The following KAT2B variants were observed in gnomAD, a reference collection of about 807,000 sequenced individuals.
KAT2B encodes histone acetyltransferase KAT2B.
KAT2B carries 36 observed loss-of-function variants against 105.9 expected under a neutral mutation model. The ratio of observed to expected loss-of-function variants is 0.34; its 90% confidence interval spans 0.26 to 0.45. KAT2B has a LOEUF of 0.45. KAT2B is among the 20% of genes least tolerant of loss of function. KAT2B has a pLI of 1.00. For missense variants in KAT2B, 820 were observed against 1,021.6 expected (o/e 0.80, Z 2.69); for synonymous variants, 397 against 377.9 (o/e 1.05, Z -0.59).
intron 11 of KAT2B, among the ~76,000 whole-genome samples, chr3:20,131,007 G>C (rs1316624863): frequency 7.5e-6 from 1 of 133,390 alleles, no homozygotes; most frequent in Non-Finnish European, 1.6e-5. Context: ...TTAGTTTCCT[G>C]GCCTTTTTTT....
intron 2 of KAT2B, among the ~76,000 whole-genome samples, chr3:20,094,445 A>C (rs374775691): frequency 6.6e-5 from 10 of 152,152 alleles, no homozygotes; most frequent in African/African-American, 2.4e-4. Context: ...CACAGAGCCA[A>C]ACCATATCAG....
intron 11 of KAT2B, 65 bp from the exon 12 acceptor site, chr3:20,136,877 G>T: frequency 1.3e-6 from 1 of 784,776 alleles, no homozygotes. Flanking sequence ...ATCATTTCCT[G>T]ATGGATTTGT....
At chr3:20,047,003 G>T (rs540391271) in intron 1 of KAT2B, among the ~76,000 whole-genome samples, 2 of 152,140 alleles carry the variant, frequency 1.3e-5, no homozygotes, top group African/African-American at 4.8e-5. Flanking sequence ...ATTAACAGAA[G>T]TTGAGAAAGC....
intron 1 of KAT2B, among the ~76,000 whole-genome samples, chr3:20,069,915 T>C (rs1698289621): frequency 6.6e-6 from 1 of 152,216 alleles, no homozygotes; most frequent in Non-Finnish European, 1.5e-5. Context: ...ACTGTCTTCA[T>C]TGTAAATTCT....
intron 2 of KAT2B, among the ~76,000 whole-genome samples, chr3:20,078,350 A>C (rs76193978): frequency 6.6e-6 from 1 of 151,970 alleles, no homozygotes; most frequent in Non-Finnish European, 1.5e-5. Flanking sequence ...TCTAGTAATA[A>C]TATTTTAGTT....
chr3:20,072,843 A>T (rs566992318), intron 2 of KAT2B, among the ~76,000 whole-genome samples: 13 of 152,184 alleles, frequency 8.5e-5, no homozygotes, highest in African/African-American at 3.1e-4. Context: ...GATAATAATG[A>T]TCATTTTTAT....
chr3:20,042,895 T>C (rs1226937030), intron 1 of KAT2B, among the ~76,000 whole-genome samples: 1 of 149,144 alleles, frequency 6.7e-6, no homozygotes, highest in Non-Finnish European at 1.5e-5. Context: ...AGAAAATTTA[T>C]TTTAACGTCT....
intron 1 of KAT2B, among the ~76,000 whole-genome samples, chr3:20,068,904 A>C (rs561351783): frequency 2.0e-5 from 3 of 152,286 alleles, no homozygotes; most frequent in African/African-American, 7.2e-5. Flanking sequence ...CAGACCAACT[A>C]TTCAGAAAAG....
At chr3:20,080,922 A>G (rs979970738) in intron 2 of KAT2B, among the ~76,000 whole-genome samples, 3 of 152,218 alleles carry the variant, frequency 2.0e-5, no homozygotes, top group Non-Finnish European at 4.4e-5. Context: ...AAACACAGCT[A>G]CTGGAATACT....
intron 2 of KAT2B, among the ~76,000 whole-genome samples, chr3:20,089,564 C>A (rs1455777948): frequency 6.6e-6 from 1 of 151,944 alleles, no homozygotes; most frequent in African/African-American, 2.4e-5. Flanking sequence ...CCATGCCCGG[C>A]TAATTTTTTT....
At chr3:20,079,058 A>T (rs1698472206) in intron 2 of KAT2B, among the ~76,000 whole-genome samples, 2 of 144,246 alleles carry the variant, frequency 1.4e-5, no homozygotes, top group Non-Finnish European at 3.0e-5. Context: ...TAATTTTTAT[A>T]ATTATTATTA....
At chr3:20,143,998 T>C (rs2125194744) in intron 13 of KAT2B, among the ~76,000 whole-genome samples, 1 of 152,168 alleles carries the variant, frequency 6.6e-6, no homozygotes, top group African/African-American at 2.4e-5. Flanking sequence ...AGTATACCCA[T>C]AATACCCCCT....
chr3:20,101,199 A>G (rs1698903572), intron 4 of KAT2B, 88 bp from the exon 5 acceptor site: 8 of 1,053,846 alleles, frequency 7.6e-6, no homozygotes, highest in Non-Finnish European at 1.1e-5. Flanking sequence ...TATTTTGCTA[A>G]TAACCACCAA....
rs1456514004 is a variant in KAT2B at position 20,059,815 on chromosome 3, A to G, written c.304-12518A>G. 2.6e-5 allele frequency among the ~76,000 whole-genome samples: 4 copies of G among 152,248 alleles called. No individual in the cohort carries two copies. In the East Asian group the frequency reaches 7.7e-4, roughly 29 times the overall value. On this transcript the variant is annotated intron_variant, in intron 1 of 17. Transcript: ENST00000263754. ...GATTTTTAAGAAATTGACAAGTTGT[A>G]CAATCATCACCACAATCTACCTTTT... is the stretch of plus-strand genomic sequence containing the variant.
intron 1 of KAT2B, among the ~76,000 whole-genome samples, chr3:20,052,444 G>A (rs147591721): frequency 3.3e-5 from 5 of 152,148 alleles, no homozygotes; most frequent in East Asian, 1.9e-4. Flanking sequence ...TTCATATCTC[G>A]GGTGGATCAT....
chr3:20,059,307 G>T (rs556797555), intron 1 of KAT2B, among the ~76,000 whole-genome samples: 130 of 151,588 alleles, frequency 8.6e-4, no homozygotes, highest in African/African-American at 3.0e-3. Flanking sequence ...CCAGCTACTC[G>T]GGAGGCTGAG....
chr3:20,125,672 A>C (rs1447610237), intron 9 of KAT2B, among the ~76,000 whole-genome samples: 1 of 152,200 alleles, frequency 6.6e-6, no homozygotes, highest in Non-Finnish European at 1.5e-5. Flanking sequence ...ATCCGTGTAC[A>C]CATATAATAC....
At chr3:20,111,288 ATTTT>A (rs1699116710) in intron 5 of KAT2B, among the ~76,000 whole-genome samples, 1 of 152,158 alleles carries the variant, frequency 6.6e-6, no homozygotes, top group African/African-American at 2.4e-5. Context: ...GCGTAATCAA[ATTTT>A]CAAAGTTATG....
At chr3:20,108,106 G>T (rs984808934) in intron 5 of KAT2B, among the ~76,000 whole-genome samples, 2 of 151,846 alleles carry the variant, frequency 1.3e-5, no homozygotes, top group African/African-American at 4.8e-5. Flanking sequence ...CACTGCACCC[G>T]GCCAAATCCA....
Sources: gnomAD v4.1 joint callset for allele counts (sites outside exome capture counted in the v4.1 genomes callset) on GRCh38, gnomAD v4.1.1 for gene constraint, MANE v1.5 for transcripts, NCBI Gene and HGNC (gene_info 2026-07-23, HGNC 2026-07-21) for gene names.